Variants in KLRF2 observed in about 807,000 individuals in gnomAD.
KLRF2 encodes killer cell lectin-like receptor subfamily F member 2.
KLRF2 carries 28 observed loss-of-function variants against 25.3 expected under a neutral mutation model. That is an observed-to-expected ratio of 1.11 (90% CI 0.82 to 1.52). The LOEUF is 1.52. Ranked by LOEUF, KLRF2 falls within the 40% of genes most tolerant of loss-of-function variation. The probability of loss-of-function intolerance (pLI) is 0.00; values close to 1 mark genes in which losing one functional copy is unlikely to be tolerated. For synonymous variants in KLRF2, 73 were observed against 85.0 expected, an observed-to-expected ratio of 0.86 and a Z score of 0.78; for missense variants, 265 against 245.8, an observed-to-expected ratio of 1.08 and a Z score of -0.52.
At chr12:9,886,239 T>G (rs1862596544) in intron 2 of KLRF2, among the ~76,000 whole-genome samples, 2 of 152,180 alleles carry the variant, frequency 1.3e-5, no homozygotes, top group African/African-American at 4.8e-5. Flanking sequence ...AATTTGTCCT[T>G]GGGTTTTGAC....
chr12:9,889,572 G>C (rs934876579), intron 3 of KLRF2, among the ~76,000 whole-genome samples: 2 of 151,926 alleles, frequency 1.3e-5, no homozygotes, highest in African/African-American at 4.8e-5. Flanking sequence ...GGCCTATTCT[G>C]TGCGTTTTGG....
In KLRF2 at chr12:9,888,750, T is replaced by A; in HGVS notation, c.187T>A (p.Ser63Thr). 1.3e-6 allele frequency: 2 copies of A among 1,503,366 alleles called. No homozygotes were observed. Among genetic ancestry groups the A allele is most frequent in the Non-Finnish European group, 1.8e-6 (2 of 1,117,312 alleles). The allele number at this position is 1,503,366 out of a possible 1,614,324, so 93.1% of individuals were successfully genotyped here. A position where few individuals can be genotyped will look rare whatever the true frequency, so the allele number is the denominator to read the frequency against. ...LKFWHKKMDF[S>T]QNVNVSSLSG... is the part of the protein sequence containing the mutation. ...GAGTACAGATAAAAAAATGGATTTCTCCCAGAATGTAAACGTCAGCAGTCT... is the reference window on the plus strand; with the variant it reads ...GAGTACAGATAAAAAAATGGATTTCACCCAGAATGTAAACGTCAGCAGTCT... The change falls in exon 3 of 6, where the codon TCC becomes ACC. Residue 63 changes from serine (S) to threonine (T), a missense_variant. Ser to Thr is a moderately conservative substitution (Grantham distance 58, BLOSUM62 1). Transcript: ENST00000535540.
At position 9,885,004 on chromosome 12, in the gene KLRF2, T is replaced by G; in HGVS notation, c.141T>G (p.Ile47Met). The stretch of plus-strand genomic sequence containing the variant: ...GATGCATTGTGATCCTTATATTCAT[T>G]ATGACAGGGATTGACCTGAAGTTCT... ...IFGCIVILIFIMTGIDLKFWH... is the reference protein window; with the variant it reads ...IFGCIVILIFMMTGIDLKFWH... The change falls in exon 2 of 6, where the codon ATT becomes ATG. Residue 47 changes from isoleucine to methionine, a missense_variant. Ile to Met is a conservative substitution (Grantham distance 10). Transcript: ENST00000535540. 2 of 1,321,368 alleles carry G rather than the reference T, an allele frequency of 1.5e-6. No individual in the cohort carries two copies. Among genetic ancestry groups the G allele is most frequent in the Non-Finnish European group, 1.9e-6 (2 of 1,027,986 alleles). The allele number at this position is 1,321,368 out of a possible 1,614,324, so 81.9% of individuals were successfully genotyped here. A position where few individuals can be genotyped will look rare whatever the true frequency, so the allele number is the denominator to read the frequency against.
Position 9,895,802 on chromosome 12 carries a change from T to A in KLRF2, c.593T>A (p.Ile198Asn), listed in dbSNP as rs988175473. 146 of 1,535,322 alleles carry A rather than the reference T, an allele frequency of 9.5e-5. 1 individual carries two copies. Among genetic ancestry groups the A allele is most frequent in the Non-Finnish European group, 1.2e-4 (139 of 1,146,668 alleles). ...TFKGICQRDA[I>N]LTHNGTSGV ...AAGGGCATTTGCCAGAGAGATGCGA[T>A]CTTGACGCACAATGGAACCAGTGGT... Residue 198 changes from isoleucine (I) to asparagine (N), a missense_variant, in exon 6 of 6, where the codon ATC becomes AAC. Physicochemically the swap from Ile to Asn is moderately radical, Grantham distance 149. Transcript: ENST00000535540.
Position 9,881,638 on chromosome 12 carries a change from CGTT to C in KLRF2, c.46_48del (p.Cys16del), listed in dbSNP as rs529169373. 385 of 1,535,194 alleles carry C rather than the reference CGTT, an allele frequency of 2.5e-4. No homozygotes were observed. Among genetic ancestry groups the C allele is most frequent in the Non-Finnish European group, 3.1e-4 (352 of 1,146,324 alleles). On this transcript the variant is annotated inframe_deletion, in exon 1 of 6. Coordinates refer to ENST00000535540, the MANE Select transcript of KLRF2 (RefSeq NM_001190765.1). ...GTATATGACGCTGAGTTTCAAGAATCGTTGTAAATCGAAGCAGAAATCTAAAGG... is the reference window on the plus strand; with the variant it reads ...GTATATGACGCTGAGTTTCAAGAATCGTAAATCGAAGCAGAAATCTAAAGG...
chr12:9,891,748 T>C (rs189376950), intron 3 of KLRF2, among the ~76,000 whole-genome samples: 3 of 152,182 alleles, frequency 2.0e-5, no homozygotes, highest in African/African-American at 7.2e-5. Context: ...TAAGAATATA[T>C]ATGAAGTTTC....
chr12:9,894,057 T>C (rs758307163), intron 5 of KLRF2, among the ~76,000 whole-genome samples: 39 of 152,104 alleles, frequency 2.6e-4, no homozygotes, highest in Non-Finnish European at 5.4e-4. Context: ...TTTCTTTCTC[T>C]TTCTCTTTTT....
Position 9,893,149 on chromosome 12 carries a change from T to C in KLRF2, c.347T>C (p.Ile116Thr), listed in dbSNP as rs1011226099. The C allele has an allele frequency of 2.0e-6, 3 of 1,532,662 alleles. No individual in the cohort carries two copies. The Admixed American group carries it at 5.9e-5, about 30-fold the overall frequency. 94.9% of individuals were successfully genotyped at this position (1,532,662 alleles called of 1,614,324 possible). A position where few individuals can be genotyped will look rare whatever the true frequency, so the allele number is the denominator to read the frequency against. Residue 116 changes from isoleucine (I) to threonine (T), a missense_variant, in exon 4 of 6, where the codon ATT becomes ACT. Physicochemically the swap from Ile to Thr is moderately conservative, Grantham distance 89. Coordinates refer to ENST00000535540, the MANE Select transcript of KLRF2 (RefSeq NM_001190765.1). ...CTQLQAHLLV[I>T]QNLDELEFIQ... Reference sequence around the variant, plus strand: ...CAGCTACAGGCACATTTACTGGTGATTCAAAATTTGGATGAGCTGGTGAGA... The same window carrying C: ...CAGCTACAGGCACATTTACTGGTGACTCAAAATTTGGATGAGCTGGTGAGA...
intron 1 of KLRF2, among the ~76,000 whole-genome samples, chr12:9,884,658 T>C (rs1443058711): frequency 6.7e-6 from 1 of 149,692 alleles, no homozygotes; most frequent in Admixed American, 6.7e-5. Context: ...TATGTATTTG[T>C]ATGTATAATT....
chr12:9,881,883 T>C (rs1012609668), intron 1 of KLRF2, among the ~76,000 whole-genome samples: 4 of 152,126 alleles, frequency 2.6e-5, no homozygotes, highest in African/African-American at 9.7e-5. Context: ...AATATGACGA[T>C]GTGTAATCCT....
At chr12:9,891,605 C>A (rs1862676850) in intron 3 of KLRF2, among the ~76,000 whole-genome samples, 1 of 152,096 alleles carries the variant, frequency 6.6e-6, no homozygotes, top group Non-Finnish European at 1.5e-5. Context: ...TCATTTTATA[C>A]CTTTTAGCAA....
intron 4 of KLRF2, 32 bp from the exon 5 acceptor site, chr12:9,893,397 A>G: frequency 9.3e-7 from 1 of 1,074,096 alleles, no homozygotes; most frequent in Non-Finnish European, 1.3e-6. Flanking sequence ...TTTTAAACAA[A>G]TGAATGAATA....
At chr12:9,894,153 T>TCC (rs1555127283) in intron 5 of KLRF2, among the ~76,000 whole-genome samples, 29 of 144,088 alleles carry the variant, frequency 2.0e-4, no homozygotes, top group African/African-American at 6.9e-4. Flanking sequence ...TCTCTCTCTC[T>TCC]CCCTCCCTTC....
At chr12:9,887,730 T>G (rs568318652) in intron 2 of KLRF2, among the ~76,000 whole-genome samples, 3 of 152,010 alleles carry the variant, frequency 2.0e-5, no homozygotes, top group Admixed American at 6.5e-5. Context: ...AAGAGTTTTT[T>G]TTTTTTTTTT....
At chr12:9,888,447 G>C (rs567760656) in intron 2 of KLRF2, among the ~76,000 whole-genome samples, 10 of 151,658 alleles carry the variant, frequency 6.6e-5, no homozygotes, top group Non-Finnish European at 8.8e-5. Flanking sequence ...CCGAGATTGC[G>C]CCACTGCACT....
At chr12:9,893,613 C>G (rs1862714048) in intron 5 of KLRF2, 72 bp downstream of exon 5, 2 of 541,112 alleles carry the variant, frequency 3.7e-6, no homozygotes, top group Non-Finnish European at 6.1e-6. Flanking sequence ...TCTTCACTTT[C>G]CATTCTTTTT....
intron 3 of KLRF2, 37 bp downstream of exon 3, chr12:9,888,817 G>T (rs540144958): frequency 7.5e-7 from 1 of 1,330,928 alleles, no homozygotes; most frequent in Non-Finnish European, 1.0e-6. Context: ...CTACTCTTAG[G>T]GGTAAATTTA....
chr12:9,890,481 G>A (rs578068313), intron 3 of KLRF2, among the ~76,000 whole-genome samples: 1 of 152,100 alleles, frequency 6.6e-6, no homozygotes, highest in African/African-American at 2.4e-5. Flanking sequence ...TTTCCTTCTG[G>A]CTTTCAGCTA....
intron 3 of KLRF2, 94 bp from the exon 4 acceptor site, chr12:9,892,926 A>T: frequency 8.8e-7 from 1 of 1,140,356 alleles, no homozygotes; most frequent in Non-Finnish European, 1.2e-6. Context: ...ATGAGTTGGA[A>T]AAATCTATTT....
Sources: allele counts gnomAD v4.1 joint callset (sites outside exome capture counted in the v4.1 genomes callset), GRCh38; gene constraint gnomAD v4.1.1; transcripts MANE v1.5; gene names NCBI Gene and HGNC (gene_info 2026-07-23, HGNC 2026-07-21).